The following ZBTB40 variants were observed in gnomAD, a reference collection of about 807,000 sequenced individuals.
ZBTB40 encodes the protein zinc finger and BTB domain-containing protein 40.
Under a neutral mutation model 117.5 loss-of-function variants are expected in ZBTB40, and 60 were observed. The ratio of observed to expected loss-of-function variants is 0.51; its 90% CI spans 0.41 to 0.63. The LOEUF (loss-of-function observed/expected upper bound fraction) is 0.63, where lower values mean the gene tolerates loss of function less well. Ranked by LOEUF, ZBTB40 falls within the 30% of genes least tolerant of loss-of-function variation. The probability of loss-of-function intolerance (pLI) is 0.00; values close to 1 mark genes in which losing one functional copy is unlikely to be tolerated. For missense variants in ZBTB40, 1,287 were observed against 1,498.5 expected (o/e 0.86, Z 2.33); for synonymous variants, 525 against 577.1 (o/e 0.91, Z 1.29).
intron 1 of ZBTB40, among the ~76,000 whole-genome samples, chr1:22,477,474 C>T (rs1428697750): frequency 6.6e-6 from 1 of 151,978 alleles, no homozygotes; most frequent in African/African-American, 2.4e-5. Flanking sequence ...CGTGGTGAAA[C>T]CCCGTCTCTA....
intron 2 of ZBTB40, 34 bp from the exon 3 acceptor site, chr1:22,491,366 A>C: frequency 6.2e-7 from 1 of 1,611,616 alleles, no homozygotes; most frequent in Non-Finnish European, 8.5e-7. Context: ...CAAGTAATGA[A>C]TTTCTGATTT....
At chr1:22,482,256 G>T (rs1335700676) in intron 1 of ZBTB40, among the ~76,000 whole-genome samples, 1 of 152,150 alleles carries the variant, frequency 6.6e-6, no homozygotes, top group Non-Finnish European at 1.5e-5. Flanking sequence ...TATAGAAGGG[G>T]CTTGGGGTAG....
intron 5 of ZBTB40, among the ~76,000 whole-genome samples, chr1:22,503,795 G>A (rs1477371138): frequency 6.6e-6 from 1 of 152,168 alleles, no homozygotes; most frequent in African/African-American, 2.4e-5. Context: ...CTCAATTTAA[G>A]TAAGTTGCTT....
rs916459625 is a variant in ZBTB40 at position 22,499,363 on chromosome 1, T to C, written c.832-2129T>C. Among the ~76,000 whole-genome samples the C allele has an allele frequency of 4.6e-5, 7 of 152,186 alleles. No individual in the cohort carries two copies. The East Asian group carries it at 1.3e-3, about 29-fold the overall frequency. The stretch of plus-strand genomic sequence containing the variant: ...CCTGTAACTTTTACCATATTCTGCT[T>C]CTTAGAAGCAAGTCACGAGGTTCAA... On this transcript the variant is annotated intron_variant, in intron 3 of 17. Coordinates refer to ENST00000375647, the MANE Select transcript of ZBTB40 (RefSeq NM_014870.4).
At chr1:22,486,601 C>T (rs1209066319) in intron 1 of ZBTB40, among the ~76,000 whole-genome samples, 1 of 152,154 alleles carries the variant, frequency 6.6e-6, no homozygotes, top group Non-Finnish European at 1.5e-5. Context: ...TGACTGAGTC[C>T]CCCCCAGAGT....
At chr1:22,466,081 A>G (rs1011554875) in intron 1 of ZBTB40, among the ~76,000 whole-genome samples, 2 of 152,060 alleles carry the variant, frequency 1.3e-5, no homozygotes, top group Non-Finnish European at 1.5e-5. Context: ...TTCTGTCTCT[A>G]TGGATTTGCT....
Position 22,490,075 on chromosome 1 carries a change from G to GCTCACAAGC in ZBTB40, c.129_130insCACAAGCCT (p.Ala43_Ala44insHisLysPro). On this transcript the variant is annotated inframe_insertion, in exon 2 of 18. Transcript: ENST00000375647. The stretch of plus-strand genomic sequence containing the variant: ...CTTCAGGGCTCACAAGCTTGTCCTG[G>GCTCACAAGC]CTGCTGCCAGCCTCCTGTTCAAAAC... The GCTCACAAGC allele has an allele frequency of 6.2e-7, 1 of 1,614,156 alleles. No homozygotes were observed. Among genetic ancestry groups the GCTCACAAGC allele is most frequent in the Non-Finnish European group, 8.5e-7 (1 of 1,180,032 alleles).
intron 1 of ZBTB40, among the ~76,000 whole-genome samples, chr1:22,435,969 T>G (rs1351919976): frequency 2.0e-5 from 3 of 151,264 alleles, no homozygotes; most frequent in African/African-American, 7.3e-5. Context: ...CCCAGCTACT[T>G]GGGAGGCTGA....
At chr1:22,449,603 T>G (rs1234119906), upstream of ZBTB40, among the ~76,000 whole-genome samples, 1 of 152,164 alleles carries the variant, frequency 6.6e-6, no homozygotes, top group Non-Finnish European at 1.5e-5. Context: ...ATGTGTGGGG[T>G]GTGTTGGGAG....
chr1:22,436,707 C>T (rs770642970), intron 1 of ZBTB40, among the ~76,000 whole-genome samples: 5 of 151,908 alleles, frequency 3.3e-5, no homozygotes, highest in African/African-American at 1.2e-4. Flanking sequence ...ACCTCAACTA[C>T]GTTATGCTGA....
chr1:22,462,641 C>T (rs1320667084), intron 1 of ZBTB40, among the ~76,000 whole-genome samples: 1 of 152,152 alleles, frequency 6.6e-6, no homozygotes, highest in African/African-American at 2.4e-5. Context: ...CTGTGGTTTC[C>T]TCATCTATGA....
upstream of ZBTB40, among the ~76,000 whole-genome samples, chr1:22,449,497 T>C (rs1279708808): frequency 6.6e-6 from 1 of 152,200 alleles, no homozygotes; most frequent in Non-Finnish European, 1.5e-5. Context: ...TCATGAACTG[T>C]AGGCAAGTCA....
intron 3 of ZBTB40, among the ~76,000 whole-genome samples, chr1:22,493,424 C>T (rs1638688013): frequency 6.6e-6 from 1 of 152,100 alleles, no homozygotes; most frequent in African/African-American, 2.4e-5. Flanking sequence ...TGTACTTCGG[C>T]CTCTACTTCT....
intron 1 of ZBTB40, among the ~76,000 whole-genome samples, chr1:22,486,610 G>A (rs1553133627): frequency 6.6e-6 from 1 of 152,178 alleles, no homozygotes; most frequent in Non-Finnish European, 1.5e-5. Flanking sequence ...CCCCCCCAGA[G>A]TTTTTAACTC....
intron 1 of ZBTB40, among the ~76,000 whole-genome samples, chr1:22,465,252 G>A (rs1240018935): frequency 6.6e-6 from 1 of 152,104 alleles, no homozygotes; most frequent in African/African-American, 2.4e-5. Context: ...GGAGGCCCTG[G>A]AGAGGGTAAC....
In ZBTB40 at chr1:22,489,850, T is replaced by C. The variant is rs1239061888; in HGVS notation, c.-69-30T>C. 6 of 1,185,830 alleles carry C rather than the reference T, an allele frequency of 5.1e-6. No individual in the cohort carries two copies. The East Asian group carries it at 1.4e-4, about 28-fold the overall frequency. The allele number at this position is 1,185,830 out of a possible 1,614,324, so 73.5% of individuals were successfully genotyped here. A position where few individuals can be genotyped will look rare whatever the true frequency, so the allele number is the denominator to read the frequency against. Reference sequence around the variant, plus strand: ...GCCTTTCCCTATGGTTTTTTGAAGTTTTAACCTGGTATTTTGTGGGTTTCT... The same window carrying C: ...GCCTTTCCCTATGGTTTTTTGAAGTCTTAACCTGGTATTTTGTGGGTTTCT... On this transcript the variant is annotated intron_variant, in intron 1 of 17. Coordinates refer to ENST00000375647, the MANE Select transcript of ZBTB40 (RefSeq NM_014870.4).
At chr1:22,477,503 G>A (rs1341620406) in intron 1 of ZBTB40, among the ~76,000 whole-genome samples, 2 of 152,076 alleles carry the variant, frequency 1.3e-5, no homozygotes, top group Non-Finnish European at 2.9e-5. Flanking sequence ...ACAAAAATTA[G>A]CTGGGCATGG....
At position 22,508,738 on chromosome 1, in the gene ZBTB40, T is replaced by C; in HGVS notation, c.1699+7T>C. The C allele has an allele frequency of 6.2e-7, 1 of 1,612,910 alleles. No individual in the cohort carries two copies. Among genetic ancestry groups the C allele is most frequent in the East Asian group, 2.2e-5 (1 of 44,878 alleles). On this transcript the variant is annotated splice_region_variant and intron_variant, in intron 8 of 17. Coordinates refer to ENST00000375647, the MANE Select transcript of ZBTB40 (RefSeq NM_014870.4). ...GATGCTTTCTTCCGGGCAGGTAAGT[T>C]ACCTGCCCTCTGGGGGGGTTTTGCC...
chr1:22,487,588 A>G (rs933466553), intron 1 of ZBTB40, among the ~76,000 whole-genome samples: 9 of 152,032 alleles, frequency 5.9e-5, no homozygotes, highest in Admixed American at 3.9e-4. Flanking sequence ...TCCCTAAGTC[A>G]TGACAGCTAT....
Sources: allele counts gnomAD v4.1 joint callset (sites outside exome capture counted in the v4.1 genomes callset), GRCh38; gene constraint gnomAD v4.1.1; transcripts MANE v1.5; gene names NCBI Gene and HGNC (gene_info 2026-07-23, HGNC 2026-07-21).